Variants in MAPKAPK2 observed in about 807,000 individuals in gnomAD.
The protein encoded by MAPKAPK2 is MAPK activated protein kinase 2.
Under a neutral mutation model 48.8 loss-of-function variants are expected in MAPKAPK2, and 9 were observed. The ratio of observed to expected loss-of-function variants is 0.18; its 90% CI spans 0.11 to 0.32. MAPKAPK2 has a LOEUF of 0.32. Ranked by LOEUF, MAPKAPK2 falls within the 10% of genes least tolerant of loss-of-function variation. The pLI, the probability that MAPKAPK2 is intolerant of heterozygous loss-of-function variation, is 1.00. For missense variants in MAPKAPK2, 331 were observed against 498.3 expected (o/e 0.66, Z 3.20); for synonymous variants, 202 against 190.6 (o/e 1.06, Z -0.49).
At chr1:206,692,875 C>T (rs1049314370) in intron 1 of MAPKAPK2, among the ~76,000 whole-genome samples, 27 of 152,122 alleles carry the variant, frequency 1.8e-4, no homozygotes, top group African/African-American at 6.3e-4. Flanking sequence ...AGTGGCCACC[C>T]GATGGGAGCC....
At chr1:206,694,515 C>T (rs1672555672) in intron 1 of MAPKAPK2, among the ~76,000 whole-genome samples, 1 of 152,240 alleles carries the variant, frequency 6.6e-6, no homozygotes, top group Non-Finnish European at 1.5e-5. Flanking sequence ...CTCTGTCTTT[C>T]CCTATCCCGA....
At chr1:206,713,704 A>C (rs1273972686) in intron 1 of MAPKAPK2, among the ~76,000 whole-genome samples, 1 of 152,160 alleles carries the variant, frequency 6.6e-6, no homozygotes, top group African/African-American at 2.4e-5. Context: ...CGTTTCTACC[A>C]AAAAATAAAA....
chr1:206,713,798 G>A (rs1171136967), intron 1 of MAPKAPK2, among the ~76,000 whole-genome samples: 1 of 152,166 alleles, frequency 6.6e-6, no homozygotes, highest in Non-Finnish European at 1.5e-5. Context: ...CCCAAGAGGC[G>A]GAGTTTGCAG....
chr1:206,698,768 T>G (rs544499557), intron 1 of MAPKAPK2, among the ~76,000 whole-genome samples: 1 of 152,052 alleles, frequency 6.6e-6, no homozygotes, highest in East Asian at 1.9e-4. Context: ...ACCTACTAAG[T>G]GCTAAGCATT....
At chr1:206,699,313 A>G (rs1212735370) in intron 1 of MAPKAPK2, among the ~76,000 whole-genome samples, 1 of 152,166 alleles carries the variant, frequency 6.6e-6, no homozygotes, top group Non-Finnish European at 1.5e-5. Context: ...GAGACACATG[A>G]TGGGCTCTTC....
chr1:206,693,213 C>T (rs1201549713), intron 1 of MAPKAPK2, among the ~76,000 whole-genome samples: 1 of 152,156 alleles, frequency 6.6e-6, no homozygotes, highest in Non-Finnish European at 1.5e-5. Context: ...AGAACTGTTA[C>T]TCAGCCCCTC....
At chr1:206,699,933 T>C (rs191957815) in intron 1 of MAPKAPK2, among the ~76,000 whole-genome samples, 4 of 151,958 alleles carry the variant, frequency 2.6e-5, no homozygotes, top group Non-Finnish European at 4.4e-5. Flanking sequence ...TCTCTCTTTT[T>C]CTTTTCTCCT....
chr1:206,703,954 G>A (rs1672875856), intron 1 of MAPKAPK2, among the ~76,000 whole-genome samples: 1 of 152,232 alleles, frequency 6.6e-6, no homozygotes, highest in Admixed American at 6.5e-5. Flanking sequence ...ACCCCATCCT[G>A]GGGGAGGTGA....
chr1:206,710,439 G>A (rs927630481), intron 1 of MAPKAPK2, among the ~76,000 whole-genome samples: 5 of 152,154 alleles, frequency 3.3e-5, no homozygotes, highest in Non-Finnish European at 5.9e-5. Flanking sequence ...CAATTGATGA[G>A]GGAATTGGCC....
At chr1:206,686,484 C>T (rs1398846382) in intron 1 of MAPKAPK2, among the ~76,000 whole-genome samples, 1 of 152,132 alleles carries the variant, frequency 6.6e-6, no homozygotes, top group African/African-American at 2.4e-5. Context: ...AAGTGTGAGC[C>T]GGTCTTGCAG....
In MAPKAPK2 at chr1:206,733,005, T is replaced by C. The variant is rs1673979338; in HGVS notation, c.*287T>C. Reference sequence around the variant, plus strand: ...ACTTAGAGTTTTTACGAAACCTCTTTTGTTGTCCTTGCCCCACTCCTCTCC... The same window carrying C: ...ACTTAGAGTTTTTACGAAACCTCTTCTGTTGTCCTTGCCCCACTCCTCTCC... On this transcript the variant is annotated 3_prime_UTR_variant, in exon 10 of 10. Transcript: ENST00000367103. 5.3e-6 allele frequency: 2 copies of C among 379,730 alleles called. No individual in the cohort carries two copies. Among genetic ancestry groups the C allele is most frequent in the Non-Finnish European group, 9.6e-6 (2 of 207,312 alleles). The allele number at this position is 379,730 out of a possible 1,614,324, so 23.5% of individuals were successfully genotyped here.
In MAPKAPK2 at chr1:206,731,611, C is replaced by T. The variant is rs782079625; in HGVS notation, c.893-29C>T. 3 of 1,546,698 alleles carry T rather than the reference C, an allele frequency of 1.9e-6. No individual in the cohort carries two copies. The highest frequency in any genetic ancestry group is 3.3e-5 in the Admixed American group (2 of 59,938). Reference sequence around the variant, plus strand: ...CAGGCCAGGGAGAGTGACCCCTGAGCTGTCACTGCCCCCTGTCCCACCCCA... The same window carrying T: ...CAGGCCAGGGAGAGTGACCCCTGAGTTGTCACTGCCCCCTGTCCCACCCCA... On this transcript the variant is annotated intron_variant, in intron 7 of 9. Transcript: ENST00000367103. This position sits in a 1 kb window ranked among gnomAD's most constrained non-coding sequence, Gnocchi z 5.9.
Position 206,732,300 on chromosome 1 carries a change from C to T in MAPKAPK2, c.1060-275C>T, listed in dbSNP as rs1673941634. Reference sequence around the variant, plus strand: ...AGACCGGACCCAGGTTTCCTGACTCCTGGCCCAAGTCTCTTCCTCCTATCC... The same window carrying T: ...AGACCGGACCCAGGTTTCCTGACTCTTGGCCCAAGTCTCTTCCTCCTATCC... On this transcript the variant is annotated intron_variant, in intron 9 of 9. Transcript: ENST00000367103. The surrounding 1 kb of genome is among the most constrained non-coding windows in gnomAD (Gnocchi z 4.4). 3.5e-6 allele frequency: 5 copies of T among 1,447,878 alleles called. No homozygotes were observed. In the East Asian group the frequency reaches 1.2e-4, roughly 36 times the overall value. The allele number at this position is 1,447,878 out of a possible 1,614,324, so 89.7% of individuals were successfully genotyped here. A position where few individuals can be genotyped will look rare whatever the true frequency, so the allele number is the denominator to read the frequency against.
chr1:206,701,016 G>T (rs896820499), intron 1 of MAPKAPK2, among the ~76,000 whole-genome samples: 2 of 152,202 alleles, frequency 1.3e-5, no homozygotes, highest in Non-Finnish European at 2.9e-5. Flanking sequence ...CCCTGTACCT[G>T]TTGCCTCTGG....
At chr1:206,695,460 T>C (rs1306468562) in intron 1 of MAPKAPK2, among the ~76,000 whole-genome samples, 1 of 147,864 alleles carries the variant, frequency 6.8e-6, no homozygotes, top group Non-Finnish European at 1.5e-5. Flanking sequence ...GTTTTTTTTT[T>C]TTTTTTTGGA....
chr1:206,731,044 C>T lies in MAPKAPK2; in HGVS notation c.768-94C>T. 1 of 1,524,354 alleles carries T rather than the reference C, an allele frequency of 6.6e-7. No individual in the cohort carries two copies. The highest frequency in any genetic ancestry group is 2.3e-5 in the East Asian group (1 of 44,242). 94.4% of individuals were successfully genotyped at this position (1,524,354 alleles called of 1,614,324 possible). On this transcript the variant is annotated intron_variant, in intron 6 of 9. Transcript: ENST00000367103. This position sits in a 1 kb window ranked among gnomAD's most constrained non-coding sequence, Gnocchi z 5.9. ...AGCCCTGATTTCTCTGTGACCTTTA[C>T]AAGGAGAAGAGCCTGTTTCTCATCC...
intron 1 of MAPKAPK2, among the ~76,000 whole-genome samples, 183 bp downstream of exon 1, chr1:206,685,691 G>T (rs1353451756): frequency 4.7e-5 from 7 of 148,878 alleles, no homozygotes; most frequent in African/African-American, 1.7e-4. Flanking sequence ...CAGCGCCCTC[G>T]CCTCCCTGAC....
chr1:206,708,375 C>T lies in MAPKAPK2; in HGVS notation c.280-20335C>T, dbSNP rs115589987. ...TGAAACATTTCAGATGTGCAGCAAA[C>T]TGGAAAGAATTGTACAGTGAACATG... On this transcript the variant is annotated intron_variant, in intron 1 of 9. Coordinates refer to ENST00000367103, the MANE Select transcript of MAPKAPK2 (RefSeq NM_032960.4). Among the ~76,000 whole-genome samples the T allele has an allele frequency of 7.2e-3, 1,094 of 152,322 alleles. 17 individuals are homozygous for T. Among genetic ancestry groups the T allele is most frequent in the East Asian group, 0.038 (197 of 5,190 alleles).
chr1:206,718,466 A>G (rs146665470), intron 1 of MAPKAPK2, among the ~76,000 whole-genome samples: 5,882 of 149,042 alleles, frequency 0.039, 255 homozygotes, highest in African/African-American at 0.11. Context: ...CGGGAGGCAG[A>G]GCTTGCAGTG....
Sources: allele counts gnomAD v4.1 joint callset (sites outside exome capture counted in the v4.1 genomes callset), GRCh38; gene constraint gnomAD v4.1.1; non-coding constraint Gnocchi (gnomAD v3.1); transcripts MANE v1.5; gene names NCBI Gene and HGNC (gene_info 2026-07-23, HGNC 2026-07-21).